TBXAS1: variants seen among roughly 807,000 people sequenced by gnomAD.
The protein encoded by TBXAS1 is thromboxane-A synthase.
In TBXAS1, 48 loss-of-function variants were observed where a neutral mutation model predicts 60.7. That is an observed-to-expected ratio of 0.79 (90% CI 0.63 to 1.01). The LOEUF is 1.01. TBXAS1 is among the 50% of genes least tolerant of loss of function. The probability of loss-of-function intolerance (pLI) is 0.00; values close to 1 mark genes in which losing one functional copy is unlikely to be tolerated. For missense variants in TBXAS1, 685 were observed against 686.3 expected (o/e 1.00, Z 0.02); for synonymous variants, 287 against 269.7 (o/e 1.06, Z -0.63).
intron 1 of TBXAS1, among the ~76,000 whole-genome samples, chr7:139,850,072 A>G (rs542071320): frequency 6.6e-6 from 1 of 152,332 alleles, no homozygotes; most frequent in Admixed American, 6.5e-5. Flanking sequence ...TGGCTGTCAG[A>G]AGAAAGGGTG....
chr7:139,990,708 C>T (rs746013031), intron 9 of TBXAS1, among the ~76,000 whole-genome samples: 1 of 151,716 alleles, frequency 6.6e-6, no homozygotes, highest in Non-Finnish European at 1.5e-5. Flanking sequence ...CTCTCCCTGC[C>T]CCCACTACCA....
At chr7:139,979,295 C>A (rs749542593) in intron 9 of TBXAS1, among the ~76,000 whole-genome samples, 4 of 152,012 alleles carry the variant, frequency 2.6e-5, no homozygotes, top group Non-Finnish European at 4.4e-5. Context: ...GACATTAGAG[C>A]GAATAAATGG....
chr7:139,818,780 G>A (rs966117939), intron 4 of TBXAS1, among the ~76,000 whole-genome samples: 22 of 152,322 alleles, frequency 1.4e-4, no homozygotes, highest in African/African-American at 5.3e-4. Context: ...AGCTGGGCTG[G>A]TGAGATGAAT....
chr7:139,963,563 T>G (rs368852273), intron 9 of TBXAS1, among the ~76,000 whole-genome samples: 5 of 152,252 alleles, frequency 3.3e-5, no homozygotes, highest in East Asian at 3.9e-4. Flanking sequence ...TTATTCTGTT[T>G]TATATGTAGT....
chr7:139,809,365 T>TAGATAGATAGATAGATAGAC, intron 4 of TBXAS1, among the ~76,000 whole-genome samples: 1 of 136,950 alleles, frequency 7.3e-6, no homozygotes, highest in Non-Finnish European at 1.6e-5. Flanking sequence ...GATAGATAGA[T>TAGATAGATAGATAGATAGAC]AGACAGACAG....
chr7:139,914,959 A>G (rs984441330), intron 4 of TBXAS1, among the ~76,000 whole-genome samples: 45 of 152,220 alleles, frequency 3.0e-4, no homozygotes, highest in Admixed American at 2.6e-4. Flanking sequence ...TCCTCCCAGA[A>G]GAATGAGGTA....
At chr7:140,002,594 G>A (rs186474588) in intron 9 of TBXAS1, among the ~76,000 whole-genome samples, 35 of 152,046 alleles carry the variant, frequency 2.3e-4, no homozygotes, top group Non-Finnish European at 4.1e-4. Context: ...TTGTTGTCTC[G>A]CTGGTTCGAC....
chr7:140,011,563 G>C (rs1440602975), intron 10 of TBXAS1, among the ~76,000 whole-genome samples: 1 of 152,216 alleles, frequency 6.6e-6, no homozygotes, highest in Non-Finnish European at 1.5e-5. Flanking sequence ...TATCGGTAGA[G>C]ACATAGACAA....
At position 139,780,777 on chromosome 7, in the gene TBXAS1, T is replaced by C. The variant is rs73475929; in HGVS notation, c.-280T>C. On this transcript the variant is annotated 5_prime_UTR_variant, in exon 2 of 17. Coordinates refer to the TBXAS1 transcript ENST00000336425. ...TTTCCTGCCTGTTGCTCACACTCTG[T>C]TGTCCACAGCATACCCGCACCCTAG... The C allele has an allele frequency of 8.8e-3, 1,353 of 154,578 alleles. 14 individuals are homozygous for C. Among genetic ancestry groups the C allele is most frequent in the African/African-American group, 0.03 (1,258 of 41,628 alleles). 9.6% of individuals were successfully genotyped at this position (154,578 alleles called of 1,614,324 possible).
At position 139,778,839 on chromosome 7, in the gene TBXAS1, C is replaced by T. The variant is rs1796877592; in HGVS notation, c.-318+368C>T. On this transcript the variant is annotated intron_variant, in intron 1 of 16. Transcript: ENST00000336425. This position sits in a 1 kb window ranked among gnomAD's most constrained non-coding sequence, Gnocchi z 4.8. ...TCCAGGTTTGCTTCTCCAGCTGCCT[C>T]CCGGATGCTTGGATAGGATGCCCTG... 6.6e-6 allele frequency among the ~76,000 whole-genome samples: 1 copy of T among 152,186 alleles called. No individual in the cohort carries two copies. Among genetic ancestry groups the T allele is most frequent in the Non-Finnish European group, 1.5e-5 (1 of 68,038 alleles).
At chr7:139,898,577 C>T (rs1433264700) in intron 3 of TBXAS1, among the ~76,000 whole-genome samples, 1 of 152,050 alleles carries the variant, frequency 6.6e-6, no homozygotes, top group Non-Finnish European at 1.5e-5. Flanking sequence ...TCCGCAAGTG[C>T]TGGGATTACA....
intron 9 of TBXAS1, among the ~76,000 whole-genome samples, chr7:139,995,198 T>C (rs1200548463): frequency 6.6e-6 from 1 of 152,188 alleles, no homozygotes. Flanking sequence ...GGGAGGGGTC[T>C]GGCACCAGCT....
chr7:139,889,148 A>G (rs1238082866), intron 3 of TBXAS1, among the ~76,000 whole-genome samples: 1 of 151,962 alleles, frequency 6.6e-6, no homozygotes, highest in African/African-American at 2.4e-5. Flanking sequence ...CCTGGGCAAT[A>G]TAGTGAAACC....
intron 3 of TBXAS1, among the ~76,000 whole-genome samples, chr7:139,783,576 G>A (rs945787187): frequency 6.6e-6 from 1 of 152,150 alleles, no homozygotes; most frequent in African/African-American, 2.4e-5. Flanking sequence ...GCTGAACTTG[G>A]ACAGACTAGG....
At chr7:139,911,413 C>T (rs1805510790) in intron 4 of TBXAS1, 92 bp downstream of exon 4, 1 of 1,171,448 alleles carries the variant, frequency 8.5e-7, no homozygotes, top group Non-Finnish European at 1.3e-6. Context: ...GCAATCAGGC[C>T]TCTGATCAGG....
At chr7:139,991,628 A>G (rs1812909908) in intron 9 of TBXAS1, among the ~76,000 whole-genome samples, 1 of 152,256 alleles carries the variant, frequency 6.6e-6, no homozygotes, top group Non-Finnish European at 1.5e-5. Context: ...AAATCTATCA[A>G]TCAATAAAAT....
intron 5 of TBXAS1, among the ~76,000 whole-genome samples, chr7:139,947,376 C>A (rs140624457): frequency 4.0e-5 from 6 of 151,876 alleles, no homozygotes; most frequent in Admixed American, 3.9e-4. Context: ...AGAACACATG[C>A]GCATAAGGAG....
At chr7:139,787,711 G>A (rs1380054619) in intron 4 of TBXAS1, among the ~76,000 whole-genome samples, 3 of 152,106 alleles carry the variant, frequency 2.0e-5, no homozygotes, top group Non-Finnish European at 4.4e-5. Context: ...ATTTCATATT[G>A]CAACTTGCCC....
chr7:139,974,051 G>A (rs1811398210), intron 9 of TBXAS1, among the ~76,000 whole-genome samples: 1 of 152,118 alleles, frequency 6.6e-6, no homozygotes, highest in African/African-American at 2.4e-5. Context: ...TTTGCAATGG[G>A]CTTAGTCTCC....
Sources: allele counts gnomAD v4.1 joint callset (sites outside exome capture counted in the v4.1 genomes callset), GRCh38; gene constraint gnomAD v4.1.1; non-coding constraint Gnocchi (gnomAD v3.1); transcripts MANE v1.5; gene names NCBI Gene and HGNC (gene_info 2026-07-23, HGNC 2026-07-21).